PMS2: variants seen among roughly 807,000 people sequenced by gnomAD.
PMS2 encodes mismatch repair endonuclease PMS2.
PMS2 carries 69 observed loss-of-function variants against 90.0 expected under a neutral mutation model. The ratio of observed to expected loss-of-function variants is 0.77; its 90% CI spans 0.63 to 0.94. The LOEUF (loss-of-function observed/expected upper bound fraction) is 0.94. Ranked by LOEUF, PMS2 falls within the 40% of genes least tolerant of loss-of-function variation. The pLI is 0.00. For missense variants in PMS2, 966 were observed against 1,040.2 expected (o/e 0.93, Z 0.98); for synonymous variants, 332 against 375.1 (o/e 0.89, Z 1.33).
intron 11 of PMS2, among the ~76,000 whole-genome samples, chr7:5,984,615 T>C (rs1782663110): frequency 6.6e-6 from 1 of 151,406 alleles, no homozygotes; most frequent in Non-Finnish European, 1.5e-5. Flanking sequence ...TGAAACCCCA[T>C]CTCTACTAAA....
intron 11 of PMS2, among the ~76,000 whole-genome samples, chr7:5,984,536 G>A (rs1319968886): frequency 6.6e-6 from 1 of 151,732 alleles, no homozygotes; most frequent in East Asian, 1.9e-4. Flanking sequence ...TGTAATCCCA[G>A]CACTTTGGGA....
At chr7:5,991,890 C>G in intron 9 of PMS2, 83 bp downstream of exon 9, 1 of 787,998 alleles carries the variant, frequency 1.3e-6, no homozygotes, top group East Asian at 2.5e-5. Context: ...TTATCTCATT[C>G]CAGTCATAGC....
At chr7:5,988,734 CAT>C (rs1272759073) in intron 10 of PMS2, among the ~76,000 whole-genome samples, 3 of 152,228 alleles carry the variant, frequency 2.0e-5, no homozygotes, top group Non-Finnish European at 2.9e-5. Flanking sequence ...AATTTTGCCA[CAT>C]GACTTGGGTG....
chr7:5,989,716 T>C, intron 10 of PMS2, 84 bp downstream of exon 10: 1 of 1,045,188 alleles, frequency 9.6e-7, no homozygotes, highest in Non-Finnish European at 1.4e-6. Context: ...TGTTTTCATG[T>C]CAAAAAAAAG....
chr7:5,977,437 A>C (rs1781789631), intron 14 of PMS2, 151 bp downstream of exon 14: 7 of 753,428 alleles, frequency 9.3e-6, no homozygotes, highest in Non-Finnish European at 1.4e-5. Flanking sequence ...ACAGATGCTC[A>C]GCTACGACGC....
upstream of PMS2, chr7:6,009,068 G>T (rs952806552): frequency 2.5e-6 from 4 of 1,600,908 alleles, no homozygotes; most frequent in East Asian, 2.2e-5. Context: ...TCCCTCCAGG[G>T]CTCCCACAGG....
Position 6,002,344 on chromosome 7 carries a change from C to G in PMS2, c.537+109G>C, listed in dbSNP as rs565149983. The stretch of plus-strand genomic sequence containing the variant: ...AATGAGAAATGCAAATAAAGCATTT[C>G]TCAATAATTTATGGGAAGAGAATCA... On this transcript the variant is annotated intron_variant, in intron 5 of 14. Transcript: ENST00000265849. 1.1e-4 allele frequency: 84 copies of G among 779,926 alleles called. No homozygotes were observed. In the East Asian group the frequency reaches 2.0e-3, roughly 19 times the overall value. The allele number at this position is 779,926 out of a possible 1,614,324, so 48.3% of individuals were successfully genotyped here. A position where few individuals can be genotyped will look rare whatever the true frequency, so the allele number is the denominator to read the frequency against.
chr7:5,983,814 G>T (rs1266191117), intron 11 of PMS2, among the ~76,000 whole-genome samples: 1 of 151,486 alleles, frequency 6.6e-6, no homozygotes, highest in Non-Finnish European at 1.5e-5. Context: ...GCCAAGCCCG[G>T]CTAATTTTTT....
chr7:5,999,036 T>A lies in PMS2; in HGVS notation c.705+72A>T, dbSNP rs1784773445. The A allele has an allele frequency of 2.1e-6, 3 of 1,399,570 alleles. No homozygotes were observed. In the Admixed American group the frequency reaches 5.1e-5, roughly 24 times the overall value. 86.7% of individuals were successfully genotyped at this position (1,399,570 alleles called of 1,614,324 possible). A position where few individuals can be genotyped will look rare whatever the true frequency, so the allele number is the denominator to read the frequency against. Reference sequence around the variant, plus strand: ...TCTAAGATTTTATTCTCCATTCTACTGGAAGGGACAATGGAAACCCGCTAT... The same window carrying A: ...TCTAAGATTTTATTCTCCATTCTACAGGAAGGGACAATGGAAACCCGCTAT... On this transcript the variant is annotated intron_variant, in intron 6 of 14. Coordinates refer to ENST00000265849, the MANE Select transcript of PMS2 (RefSeq NM_000535.7).
intron 13 of PMS2, 137 bp from the exon 14 acceptor site, chr7:5,977,894 C>A (rs542828871): frequency 2.2e-6 from 3 of 1,346,992 alleles, no homozygotes; most frequent in African/African-American, 1.4e-5. Context: ...CTGAGGCCAG[C>A]GGATCATGAG....
chr7:5,991,361 C>G (rs1303845151), intron 9 of PMS2, among the ~76,000 whole-genome samples: 1 of 150,842 alleles, frequency 6.6e-6, no homozygotes, highest in East Asian at 1.9e-4. Context: ...AAAAAATACT[C>G]AATTACAATA....
At chr7:5,997,251 G>C (rs577585320) in intron 7 of PMS2, 75 bp downstream of exon 7, 1 of 758,420 alleles carries the variant, frequency 1.3e-6, no homozygotes, top group East Asian at 2.6e-5. Flanking sequence ...ATTAGCCTTA[G>C]AATCACTATC....
chr7:6,008,520 C>T (rs1786141500), intron 1 of PMS2, among the ~76,000 whole-genome samples: 1 of 152,004 alleles, frequency 6.6e-6, no homozygotes, highest in African/African-American at 2.4e-5. Flanking sequence ...GGGGCCAAGG[C>T]GGGCGGATTG....
intron 2 of PMS2, among the ~76,000 whole-genome samples, chr7:6,005,439 A>G (rs1019429191): frequency 1.3e-5 from 2 of 152,156 alleles, no homozygotes; most frequent in African/African-American, 2.4e-5. Flanking sequence ...TCCTGACCTC[A>G]GGTATCCACC....
At chr7:6,004,762 G>A (rs1009019995) in intron 2 of PMS2, among the ~76,000 whole-genome samples, 3 of 151,354 alleles carry the variant, frequency 2.0e-5, no homozygotes, top group Non-Finnish European at 2.9e-5. Context: ...AGACTTCCTG[G>A]ATCCTATTTT....
chr7:5,987,554 G>A lies in PMS2; in HGVS notation c.1211C>T (p.Pro404Leu), dbSNP rs536111818. The A allele has an allele frequency of 6.2e-7, 1 of 1,613,884 alleles. No individual in the cohort carries two copies. Among genetic ancestry groups the A allele is most frequent in the Non-Finnish European group, 8.5e-7 (1 of 1,179,842 alleles). The stretch of plus-strand genomic sequence containing the variant: ...TTTTTCTTCTCCAGTCCTTAATGAA[G>A]GGGATTGATCCTGCTTTTCTACCAT... ...KPMVEKQDQS[P>L]SLRTGEEKKD... The change falls in exon 11 of 15, where the codon CCT (proline) becomes CTT (leucine). Residue 404 changes from proline (P) to leucine (L), a missense_variant. Pro to Leu is a moderately conservative substitution (Grantham distance 98). Around this residue, in one of 2 missense-constraint regions of PMS2, gnomAD observed 871 missense variants for 802.4 expected, o/e 1.09. Coordinates refer to ENST00000265849, the MANE Select transcript of PMS2 (RefSeq NM_000535.7).
chr7:5,982,401 A>G (rs1189997962), intron 12 of PMS2, among the ~76,000 whole-genome samples: 2 of 152,276 alleles, frequency 1.3e-5, no homozygotes, highest in East Asian at 3.9e-4. Context: ...GACAGGTCTC[A>G]CCATGTTGGT....
At chr7:5,993,954 T>C (rs1784074524) in intron 8 of PMS2, among the ~76,000 whole-genome samples, 1 of 151,784 alleles carries the variant, frequency 6.6e-6, no homozygotes, top group African/African-American at 2.4e-5. Context: ...AAATGTTTAG[T>C]TTCTTCAAAT....
At chr7:6,007,856 A>ATTT (rs144545311) in intron 1 of PMS2, among the ~76,000 whole-genome samples, 1 of 126,614 alleles carries the variant, frequency 7.9e-6, no homozygotes, top group Non-Finnish European at 1.6e-5. Flanking sequence ...TCCACTTCTG[A>ATTT]TTTTTTTTTT....
Sources: allele counts gnomAD v4.1 joint callset (sites outside exome capture counted in the v4.1 genomes callset), GRCh38; gene constraint gnomAD v4.1.1; regional missense constraint gnomAD v4.1.1; transcripts MANE v1.5; gene names NCBI Gene and HGNC (gene_info 2026-07-23, HGNC 2026-07-21).